Variants in MYO7B observed in about 807,000 individuals in gnomAD.
MYO7B encodes unconventional myosin-VIIb.
Under a neutral mutation model 259.7 loss-of-function variants are expected in MYO7B, and 212 were observed. The ratio of observed to expected loss-of-function variants is 0.82; its 90% CI spans 0.73 to 0.91. The LOEUF (loss-of-function observed/expected upper bound fraction) is 0.91, where lower values mean the gene tolerates loss of function less well. Among genes scored for constraint, MYO7B ranks in the 40% least tolerant of loss-of-function variants. MYO7B has a pLI of 0.00. For synonymous variants in MYO7B, 1,197 were observed against 1,166.4 expected, an observed-to-expected ratio of 1.03 and a Z score of -0.54; for missense variants, 2,732 against 2,813.5, an observed-to-expected ratio of 0.97 and a Z score of 0.66.
At position 127,563,715 on chromosome 2, in the gene MYO7B, G is replaced by A. The variant is rs144600284; in HGVS notation, c.19-438G>A. Among the ~76,000 whole-genome samples the A allele has an allele frequency of 8.0e-3, 1,214 of 152,260 alleles. 19 individuals are homozygous for A. Among genetic ancestry groups the A allele is most frequent in the African/African-American group, 0.027 (1,123 of 41,546 alleles). On this transcript the variant is annotated intron_variant, in intron 2 of 47. Transcript: ENST00000409816. ...GGCCACCTTTTCAGCTTCCTCCTGCGTCTTCTAGTGCTCGTTTCTGTTTCT... is the reference window on the plus strand; with the variant it reads ...GGCCACCTTTTCAGCTTCCTCCTGCATCTTCTAGTGCTCGTTTCTGTTTCT...
At chr2:127,566,575 A>C in intron 4 of MYO7B, 68 bp from the exon 5 acceptor site, 2 of 1,431,550 alleles carry the variant, frequency 1.4e-6, no homozygotes, top group East Asian at 2.5e-5. Context: ...AGCCAAGGCC[A>C]AGGCCAAGGC....
At chr2:127,581,785 A>C in intron 10 of MYO7B, 106 bp from the exon 11 acceptor site, 1 of 1,491,564 alleles carries the variant, frequency 6.7e-7, no homozygotes, top group Non-Finnish European at 9.1e-7. Flanking sequence ...TCCGGTGGGC[A>C]TAGGTGCTTG....
In MYO7B at chr2:127,609,706, T is replaced by C. The variant is rs373693553; in HGVS notation, c.3015T>C (p.Thr1005=). ...RYPLLYHEDD[T]DCLAALVIWN... ...CGTTGCTTTACCACGAAGATGACACTGACTGCTTGGTACCAGGGTTCACTG... is the reference window on the plus strand; with the variant it reads ...CGTTGCTTTACCACGAAGATGACACCGACTGCTTGGTACCAGGGTTCACTG... Residue 1005 remains threonine (T), a synonymous_variant, in exon 23 of 48, where the codon ACT becomes ACC. Coordinates refer to ENST00000409816, the MANE Select transcript of MYO7B (RefSeq NM_001393586.1). This position sits in a 1 kb window ranked among gnomAD's most constrained non-coding sequence, Gnocchi z 6.9. 5.5e-5 allele frequency: 88 copies of C among 1,613,826 alleles called. No individual in the cohort carries two copies. Among genetic ancestry groups the C allele is most frequent in the Non-Finnish European group, 7.3e-5 (86 of 1,179,870 alleles).
rs1421748608 is a variant in MYO7B at position 127,636,903 on chromosome 2, A to T, written c.6317A>T (p.Glu2106Val). 1 of 1,612,604 alleles carries T rather than the reference A, an allele frequency of 6.2e-7. No individual in the cohort carries two copies. Among genetic ancestry groups the T allele is most frequent in the Non-Finnish European group, 8.5e-7 (1 of 1,179,850 alleles). Residue 2106 changes from glutamate to valine, a missense_variant, in exon 47 of 48, where the codon GAG becomes GTG. This residue lies in a region of MYO7B where 821 missense variants were observed against 769.3 expected (regional missense o/e 1.07). Transcript: ENST00000409816. This position sits in a 1 kb window ranked among gnomAD's most constrained non-coding sequence, Gnocchi z 4.5. ...SLGRGSRLLCETSLGYKMDDL... is the reference protein window; with the variant it reads ...SLGRGSRLLCVTSLGYKMDDL... ...GGCCGTGGCAGCCGCCTGCTGTGCGAGACCTCCCTGGTGAGCTCAGGTTCT... is the reference window on the plus strand; with the variant it reads ...GGCCGTGGCAGCCGCCTGCTGTGCGTGACCTCCCTGGTGAGCTCAGGTTCT...
rs1681799231 is a variant in MYO7B, at chr2:127,636,260, A to G, written c.6059A>G (p.Lys2020Arg). The change falls in exon 45 of 48, where the codon AAG becomes AGG. Residue 2020 changes from lysine (K) to arginine (R), a missense_variant. Lys to Arg is a conservative substitution (Grantham distance 26). Around this residue, in one of 3 missense-constraint regions of MYO7B, gnomAD observed 821 missense variants for 769.3 expected, o/e 1.07. Coordinates refer to ENST00000409816, the MANE Select transcript of MYO7B (RefSeq NM_001393586.1). The surrounding 1 kb of genome is among the most constrained non-coding windows in gnomAD (Gnocchi z 4.5). ...KHKDKTVEEA[K>R]VAFLKWICRW... ...AAGGACAAGACAGTGGAGGAGGCCA[A>G]GGTGGCCTTCCTGAAGTGGATCTGC... The G allele has an allele frequency of 1.2e-6, 2 of 1,613,654 alleles. No individual in the cohort carries two copies. Among genetic ancestry groups the G allele is most frequent in the East Asian group, 4.5e-5 (2 of 44,856 alleles).
intron 12 of MYO7B, among the ~76,000 whole-genome samples, chr2:127,583,707 G>A (rs1219989728): frequency 3.3e-5 from 5 of 152,174 alleles, no homozygotes; most frequent in Admixed American, 1.3e-4. Flanking sequence ...ATGCAGAGGG[G>A]CCCAGCAGTC....
intron 1 of MYO7B, among the ~76,000 whole-genome samples, chr2:127,540,568 G>A (rs950927431): frequency 1.3e-5 from 2 of 152,210 alleles, no homozygotes; most frequent in Non-Finnish European, 2.9e-5. Flanking sequence ...TAGTGGTTGT[G>A]CTAGTCTACA....
chr2:127,552,729 A>T (rs889311271), intron 1 of MYO7B, among the ~76,000 whole-genome samples: 1 of 152,136 alleles, frequency 6.6e-6, no homozygotes, highest in Non-Finnish European at 1.5e-5. Flanking sequence ...TGGGGTGGAG[A>T]ATCCAGAATC....
intron 16 of MYO7B, among the ~76,000 whole-genome samples, chr2:127,591,139 T>G (rs2104970860): frequency 6.6e-6 from 1 of 152,316 alleles, no homozygotes; most frequent in East Asian, 1.9e-4. Context: ...CAGTGAACTA[T>G]GATCACACCA....
In MYO7B at chr2:127,576,677, G is replaced by A; in HGVS notation, c.818G>A (p.Gly273Asp). The A allele has an allele frequency of 6.2e-7, 1 of 1,611,024 alleles. No individual in the cohort carries two copies. Among genetic ancestry groups the A allele is most frequent in the African/African-American group, 1.3e-5 (1 of 74,972 alleles). ...SAEDKQLLSL[G>D]TPSEYHYLTM... Reference sequence around the variant, plus strand: ...GAGGACAAGCAGCTGCTGAGCCTGGGCACGCCCTCCGAGTACCACTACCTG... The same window carrying A: ...GAGGACAAGCAGCTGCTGAGCCTGGACACGCCCTCCGAGTACCACTACCTG... The change falls in exon 8 of 48, where the codon GGC becomes GAC. Residue 273 changes from glycine to aspartate, a missense_variant. Gly to Asp is a moderately conservative substitution (Grantham distance 94). Coordinates refer to ENST00000409816, the MANE Select transcript of MYO7B (RefSeq NM_001393586.1). The surrounding 1 kb of genome is among the most constrained non-coding windows in gnomAD (Gnocchi z 4.9).
intron 7 of MYO7B, among the ~76,000 whole-genome samples, chr2:127,574,958 G>A (rs1678802387): frequency 1.3e-5 from 2 of 152,214 alleles, no homozygotes; most frequent in South Asian, 4.1e-4. Flanking sequence ...GTGTGTGTGT[G>A]AGTGTAAGGG....
Position 127,605,860 on chromosome 2 carries a change from C to G in MYO7B, c.2356C>G (p.Gln786Glu), listed in dbSNP as rs1268368084. The change falls in exon 20 of 48, where the codon CAG (glutamine) becomes GAG (glutamate). Residue 786 changes from glutamine to glutamate, a missense_variant. This residue lies in a region of MYO7B where 1,906 missense variants were observed against 2,026.4 expected (regional missense o/e 0.94). Coordinates refer to ENST00000409816, the MANE Select transcript of MYO7B (RefSeq NM_001393586.1). Reference sequence around the variant, plus strand: ...CCCTTCTAGGAAGGAGTTCCTGAGGCAGAGGCGGGCAGCTGTGACCCTGCA... The same window carrying G: ...CCCTTCTAGGAAGGAGTTCCTGAGGGAGAGGCGGGCAGCTGTGACCCTGCA... ...GYRYRKEFLR[Q>E]RRAAVTLQAW... 2 of 1,613,680 alleles carry G rather than the reference C, an allele frequency of 1.2e-6. No homozygotes were observed. The highest frequency in any genetic ancestry group is 1.7e-5 in the Admixed American group (1 of 59,998).
chr2:127,623,223 A>T lies in MYO7B; in HGVS notation c.3667A>T (p.Ile1223Phe). The part of the protein sequence containing the change: ...ELQAVKSKKH[I>F]PIQVILATGE... ...CCAGGCTGTCAAGTCCAAGAAGCACATCCCCATCCAAGTCATCTTGGCCAC... is the reference window on the plus strand; with the variant it reads ...CCAGGCTGTCAAGTCCAAGAAGCACTTCCCCATCCAAGTCATCTTGGCCAC... The change falls in exon 29 of 48, where the codon ATC becomes TTC. Residue 1223 changes from isoleucine (I) to phenylalanine (F), a missense_variant. This residue lies in a region of MYO7B where 1,906 missense variants were observed against 2,026.4 expected (regional missense o/e 0.94). Transcript: ENST00000409816. 6.2e-7 allele frequency: 1 copy of T among 1,613,594 alleles called. No individual in the cohort carries two copies. Among genetic ancestry groups the T allele is most frequent in the South Asian group, 1.1e-5 (1 of 91,090 alleles).
intron 2 of MYO7B, 123 bp from the exon 3 acceptor site, chr2:127,564,030 G>T: frequency 1.5e-6 from 1 of 658,828 alleles, no homozygotes. Flanking sequence ...GGAAAGGAGA[G>T]ACAAGCTCCA....
At position 127,611,070 on chromosome 2, in the gene MYO7B, G is replaced by A. The variant is rs1680366379; in HGVS notation, c.3192+1054G>A. Among the ~76,000 whole-genome samples the A allele has an allele frequency of 6.6e-6, 1 of 152,240 alleles. No individual in the cohort carries two copies. The highest frequency in any genetic ancestry group is 6.5e-5 in the Admixed American group (1 of 15,288). On this transcript the variant is annotated intron_variant, in intron 24 of 47. Coordinates refer to ENST00000409816, the MANE Select transcript of MYO7B (RefSeq NM_001393586.1). This position sits in a 1 kb window ranked among gnomAD's most constrained non-coding sequence, Gnocchi z 5.4. Reference sequence around the variant, plus strand: ...TGTCAAGCTGTCCCCTGGGGATGGTGTCATCTGAAAGCTTGACAGCTGGAG... The same window carrying A: ...TGTCAAGCTGTCCCCTGGGGATGGTATCATCTGAAAGCTTGACAGCTGGAG...
chr2:127,581,222 G>T lies in MYO7B; in HGVS notation c.1080+400G>T, dbSNP rs183815703. Among the ~76,000 whole-genome samples, 716 of 152,204 alleles carry T rather than the reference G, an allele frequency of 4.7e-3. 8 individuals are homozygous for T. The highest frequency in any genetic ancestry group is 0.016 in the African/African-American group (675 of 41,530). On this transcript the variant is annotated intron_variant, in intron 10 of 47. Transcript: ENST00000409816. ...CTTCTCCGGGGCTTGCACTATTCTG[G>T]GAGAGTGGAATGTGCCAGTGAGTCT...
rs181872878 is a variant in MYO7B, at chr2:127,536,256, G to A, written c.-24+425G>A. 2.0e-3 allele frequency among the ~76,000 whole-genome samples: 297 copies of A among 152,302 alleles called. 2 individuals are homozygous for A. Among genetic ancestry groups the A allele is most frequent in the South Asian group, 0.011 (54 of 4,828 alleles). On this transcript the variant is annotated intron_variant, in intron 1 of 47. Coordinates refer to ENST00000409816, the MANE Select transcript of MYO7B (RefSeq NM_001393586.1). Reference sequence around the variant, plus strand: ...TGTGCCGTGTGTGACATCCCACTGCGTCCTCGCAACACAGTGGTGGAATTG... The same window carrying A: ...TGTGCCGTGTGTGACATCCCACTGCATCCTCGCAACACAGTGGTGGAATTG...
At chr2:127,589,941 T>C in intron 15 of MYO7B, 151 bp from the exon 16 acceptor site, 1 of 821,096 alleles carries the variant, frequency 1.2e-6, no homozygotes. Context: ...GGTGGATGGA[T>C]ACATGGATGG....
chr2:127,568,770 G>A (rs1437365579), intron 5 of MYO7B, among the ~76,000 whole-genome samples: 5 of 151,740 alleles, frequency 3.3e-5, no homozygotes, highest in South Asian at 2.1e-4. Flanking sequence ...GGTGGCCGAC[G>A]CCTGTAATCT....
Sources: allele counts gnomAD v4.1 joint callset (sites outside exome capture counted in the v4.1 genomes callset), GRCh38; gene constraint gnomAD v4.1.1; regional missense constraint gnomAD v4.1.1; non-coding constraint Gnocchi (gnomAD v3.1); transcripts MANE v1.5; gene names NCBI Gene and HGNC (gene_info 2026-07-23, HGNC 2026-07-21).